Variants in PCDHA9 observed in about 807,000 individuals in gnomAD.
PCDHA9 encodes protocadherin alpha-9.
PCDHA9 carries 62 observed loss-of-function variants against 62.0 expected under a neutral mutation model. That is an observed-to-expected ratio of 1.00 (90% confidence interval 0.81 to 1.23). The LOEUF (loss-of-function observed/expected upper bound fraction) is 1.23, where lower values mean the gene tolerates loss of function less well. Ranked by LOEUF, PCDHA9 falls within the 50% of genes most tolerant of loss-of-function variation. The pLI is 0.00. For synonymous variants in PCDHA9, 557 were observed against 567.6 expected, an observed-to-expected ratio of 0.98 and a Z score of 0.27; for missense variants, 1,205 against 1,249.8, an observed-to-expected ratio of 0.96 and a Z score of 0.54.
intron 3 of PCDHA9, among the ~76,000 whole-genome samples, chr5:140,989,984 C>T (rs907486922): frequency 3.3e-5 from 5 of 152,032 alleles, no homozygotes; most frequent in African/African-American, 1.2e-4. Context: ...ACAGCCCTGC[C>T]TGAAATTGTC....
chr5:140,968,871 C>A lies in PCDHA9; in HGVS notation c.2395-10078C>A, dbSNP rs782670653. 11 of 1,614,218 alleles carry A rather than the reference C, an allele frequency of 6.8e-6. No individual in the cohort carries two copies. In the South Asian group the frequency reaches 1.2e-4, roughly 18 times the overall value. On this transcript the variant is annotated intron_variant, in intron 1 of 3. Coordinates refer to ENST00000532602, the MANE Select transcript of PCDHA9 (RefSeq NM_031857.2). ...CATGTTAAGAGCCCTCGGACATACT[C>A]TGAAATTACCCTTTATCTAATAATA...
At chr5:140,855,877 C>CT in intron 1 of PCDHA9, 1 of 897,114 alleles carries the variant, frequency 1.1e-6, no homozygotes, top group African/African-American at 1.7e-5. Flanking sequence ...CACAAAATAG[C>CT]TTTTTAGAAC....
rs2150452884 is a variant in PCDHA9, at chr5:140,849,840, A to G, written c.1345A>G (p.Asn449Asp). 1.9e-6 allele frequency: 3 copies of G among 1,598,334 alleles called. No individual in the cohort carries two copies. The Admixed American group carries it at 5.1e-5, about 27-fold the overall frequency. The change falls in exon 1 of 4, where the codon AAC becomes GAC. Residue 449 changes from asparagine to aspartate, a missense_variant. Coordinates refer to ENST00000532602, the MANE Select transcript of PCDHA9 (RefSeq NM_031857.2). ...ARVSVEVADV[N>D]DNAPAFAQSE... ...GGTGTCTGTGGAGGTGGCCGACGTG[A>G]ACGACAACGCACCAGCGTTCGCGCA...
intron 1 of PCDHA9, among the ~76,000 whole-genome samples, chr5:140,954,472 G>T (rs1031225118): frequency 8.5e-5 from 13 of 152,182 alleles, no homozygotes; most frequent in Admixed American, 6.5e-5. Context: ...TCTGACTGGT[G>T]TGAGAAGATA....
intron 1 of PCDHA9, chr5:140,926,562 C>CT (rs1271947865): frequency 1.6e-5 from 4 of 250,352 alleles, no homozygotes; most frequent in African/African-American, 8.9e-5. Context: ...CAGCCCGCTG[C>CT]TACTGGAGAC....
Position 140,887,082 on chromosome 5 carries a change from CT to C in PCDHA9, c.2394+36194del, listed in dbSNP as rs781992332. On this transcript the variant is annotated intron_variant, in intron 1 of 3. Coordinates refer to ENST00000532602, the MANE Select transcript of PCDHA9 (RefSeq NM_031857.2). Reference sequence around the variant, plus strand: ...GGCAACAAATTCACTCAGCTTTTGTCTGAGAAATATCTTTATCTCTTTTTTT... The same window carrying C: ...GGCAACAAATTCACTCAGCTTTTGTCGAGAAATATCTTTATCTCTTTTTTT... 2.0e-5 allele frequency among the ~76,000 whole-genome samples: 3 copies of C among 151,694 alleles called. No individual in the cohort carries two copies. The East Asian group carries it at 5.8e-4, about 29-fold the overall frequency.
intron 1 of PCDHA9, among the ~76,000 whole-genome samples, chr5:140,956,132 C>G (rs782171826): frequency 2.6e-5 from 4 of 152,028 alleles, no homozygotes; most frequent in Admixed American, 6.6e-5. Context: ...ATTTGAATAC[C>G]CTTTATTTCT....
At chr5:140,988,267 C>T (rs1204961254) in intron 3 of PCDHA9, among the ~76,000 whole-genome samples, 1 of 152,146 alleles carries the variant, frequency 6.6e-6, no homozygotes, top group Non-Finnish European at 1.5e-5. Flanking sequence ...GAGTATCCTT[C>T]GCTGTCACCT....
At chr5:140,882,069 G>T in intron 1 of PCDHA9, 1 of 844,446 alleles carries the variant, frequency 1.2e-6, no homozygotes, top group Non-Finnish European at 1.8e-6. Flanking sequence ...ACGTTCATGC[G>T]CATGGTGTCG....
intron 1 of PCDHA9, among the ~76,000 whole-genome samples, chr5:140,977,055 A>T (rs1220462981): frequency 1.3e-5 from 2 of 152,234 alleles, no homozygotes; most frequent in African/African-American, 4.8e-5. Flanking sequence ...CTGATGGACT[A>T]GTATAGAAAA....
chr5:141,008,438 A>G (rs1214725080), intron 3 of PCDHA9, among the ~76,000 whole-genome samples: 1 of 152,204 alleles, frequency 6.6e-6, no homozygotes, highest in Admixed American at 6.5e-5. Flanking sequence ...TTGCCCAGAC[A>G]GACCATTACC....
At chr5:140,954,015 C>T (rs1322183660) in intron 1 of PCDHA9, among the ~76,000 whole-genome samples, 4 of 152,136 alleles carry the variant, frequency 2.6e-5, no homozygotes, top group African/African-American at 7.2e-5. Context: ...AGCTCCCACA[C>T]ATAGTGGGAC....
At chr5:140,982,253 A>T (rs1209317234) in intron 2 of PCDHA9, 1 of 777,640 alleles carries the variant, frequency 1.3e-6, no homozygotes, top group African/African-American at 1.8e-5. Flanking sequence ...AAGATAGAAC[A>T]TGTGTGTTCC....
chr5:140,908,880 A>C (rs1342304863), intron 1 of PCDHA9, among the ~76,000 whole-genome samples: 1 of 152,204 alleles, frequency 6.6e-6, no homozygotes, highest in Non-Finnish European at 1.5e-5. Context: ...TCCAAAATCC[A>C]ATAGTCCCAA....
intron 2 of PCDHA9, among the ~76,000 whole-genome samples, chr5:140,980,093 G>A (rs1223807762): frequency 2.0e-5 from 3 of 152,166 alleles, no homozygotes; most frequent in South Asian, 2.1e-4. Context: ...AGTTGGCTTG[G>A]TAAGATGTCA....
At chr5:140,990,129 A>G (rs868941506) in intron 3 of PCDHA9, among the ~76,000 whole-genome samples, 6 of 152,296 alleles carry the variant, frequency 3.9e-5, no homozygotes, top group Middle Eastern at 3.4e-3. Flanking sequence ...TGTAGAAGTC[A>G]GACTCAAGAG....
At chr5:140,936,640 C>T (rs782162757) in intron 1 of PCDHA9, among the ~76,000 whole-genome samples, 2 of 152,208 alleles carry the variant, frequency 1.3e-5, no homozygotes, top group Non-Finnish European at 2.9e-5. Flanking sequence ...TCATAAGCAA[C>T]GTGACTTTAT....
chr5:140,924,900 A>T (rs622703), intron 1 of PCDHA9, among the ~76,000 whole-genome samples: 5 of 63,248 alleles, frequency 7.9e-5, no homozygotes, highest in Admixed American at 1.7e-4. Flanking sequence ...GTCTCAAAAA[A>T]AAAAATAAAA....
intron 3 of PCDHA9, among the ~76,000 whole-genome samples, chr5:141,000,361 G>GTCTCTC (rs148596731): frequency 3.0e-3 from 79 of 26,442 alleles, no homozygotes; most frequent in East Asian, 6.3e-3. Flanking sequence ...GTCTCTCTCT[G>GTCTCTC]TCTCTCTCTC....
Sources: allele counts gnomAD v4.1 joint callset (sites outside exome capture counted in the v4.1 genomes callset), GRCh38; gene constraint gnomAD v4.1.1; transcripts MANE v1.5; gene names NCBI Gene and HGNC (gene_info 2026-07-23, HGNC 2026-07-21).